DLG2: variants seen among roughly 807,000 people sequenced by gnomAD.
DLG2 encodes disks large homolog 2.
Under a neutral mutation model 132.5 loss-of-function variants are expected in DLG2, and 45 were observed. The observed-to-expected ratio is 0.34, with a 90% CI of 0.27 to 0.44. DLG2 has a LOEUF of 0.44. DLG2 is among the 20% of genes least tolerant of loss of function. The pLI, the probability that DLG2 is intolerant of heterozygous loss-of-function variation, is 1.00. For missense variants in DLG2, 1,045 were observed against 1,196.9 expected (o/e 0.87, Z 1.87); for synonymous variants, 424 against 419.6 (o/e 1.01, Z -0.13).
chr11:83,986,918 T>G (rs774268543), intron 11 of DLG2, among the ~76,000 whole-genome samples: 3 of 152,306 alleles, frequency 2.0e-5, no homozygotes, highest in Middle Eastern at 3.4e-3. Flanking sequence ...TTTGTCTTTT[T>G]CTTGTAAATT....
intron 6 of DLG2, among the ~76,000 whole-genome samples, chr11:84,937,151 T>C (rs1206660469): frequency 6.6e-6 from 1 of 152,060 alleles, no homozygotes; most frequent in Non-Finnish European, 1.5e-5. Flanking sequence ...AACTCCCTCT[T>C]TAAATAAAAC....
intron 18 of DLG2, among the ~76,000 whole-genome samples, chr11:83,736,932 C>A (rs17146020): frequency 0.01 from 1,550 of 150,700 alleles, 24 homozygotes; most frequent in African/African-American, 0.034. Context: ...ATTTGGGACA[C>A]TGTGGGTGGT....
chr11:84,562,429 G>C (rs997074412), intron 6 of DLG2, among the ~76,000 whole-genome samples: 1 of 152,020 alleles, frequency 6.6e-6, no homozygotes, highest in Non-Finnish European at 1.5e-5. Flanking sequence ...CTACATGAAG[G>C]CTTCTGGGTT....
chr11:84,500,181 T>C (rs938395758), intron 7 of DLG2, among the ~76,000 whole-genome samples: 1 of 151,964 alleles, frequency 6.6e-6, no homozygotes, highest in Admixed American at 6.6e-5. Flanking sequence ...AAAGGTACCA[T>C]TAGACAGGGT....
chr11:84,995,038 T>A (rs976351717), intron 6 of DLG2, among the ~76,000 whole-genome samples: 2 of 152,208 alleles, frequency 1.3e-5, no homozygotes, highest in Admixed American at 1.3e-4. Context: ...CTGAAAGACC[T>A]GTGGTACCAT....
chr11:84,002,604 C>T (rs1218713615), intron 11 of DLG2, among the ~76,000 whole-genome samples: 8 of 152,168 alleles, frequency 5.3e-5, no homozygotes, highest in East Asian at 1.9e-4. Flanking sequence ...CTGAGCTCTA[C>T]GTTGGCCCCT....
intron 14 of DLG2, among the ~76,000 whole-genome samples, chr11:83,956,381 C>G (rs2086840549): frequency 6.6e-6 from 1 of 152,216 alleles, no homozygotes; most frequent in South Asian, 2.1e-4. Context: ...AATGGCAGAA[C>G]TAAAAGAGTA....
At chr11:84,578,427 A>C (rs1334345238) in intron 6 of DLG2, among the ~76,000 whole-genome samples, 1 of 152,206 alleles carries the variant, frequency 6.6e-6, no homozygotes, top group Non-Finnish European at 1.5e-5. Context: ...AGAGCTGCCC[A>C]AGAGCATGGG....
chr11:84,396,285 G>T (rs2098810721), intron 7 of DLG2, among the ~76,000 whole-genome samples: 1 of 152,068 alleles, frequency 6.6e-6, no homozygotes, highest in South Asian at 2.1e-4. Flanking sequence ...GGTTTATACG[G>T]GCTACATAGT....
At chr11:84,736,869 A>G (rs942475194) in intron 6 of DLG2, among the ~76,000 whole-genome samples, 1 of 151,996 alleles carries the variant, frequency 6.6e-6, no homozygotes, top group Non-Finnish European at 1.5e-5. Context: ...TTTACTGATT[A>G]TGCTGGTTAA....
At chr11:85,469,465 C>T (rs2092914347) in intron 3 of DLG2, 1 of 152,198 alleles carries the variant, frequency 6.6e-6, no homozygotes, top group Non-Finnish European at 1.5e-5. Context: ...CATCAAACTC[C>T]AGCCATTGGA....
intron 14 of DLG2, among the ~76,000 whole-genome samples, chr11:83,935,892 A>G (rs972437896): frequency 6.6e-6 from 1 of 152,170 alleles, no homozygotes; most frequent in Non-Finnish European, 1.5e-5. Flanking sequence ...ATTTCTTAAC[A>G]TCCTCATCTG....
rs1807870881 is a variant in DLG2, at chr11:83,607,851, A to C, written c.1940+25360T>G. On this transcript the variant is annotated intron_variant, in intron 19 of 27. Coordinates refer to ENST00000376104, the MANE Select transcript of DLG2 (RefSeq NM_001142699.3). Reference sequence around the variant, plus strand: ...CTCTTATAAATATCATGTTGAGCCAAGGAAGCCAGACATGAAAGAACAAAG... The same window carrying C: ...CTCTTATAAATATCATGTTGAGCCACGGAAGCCAGACATGAAAGAACAAAG... Among the ~76,000 whole-genome samples, 3 of 152,274 alleles carry C rather than the reference A, an allele frequency of 2.0e-5. No individual in the cohort carries two copies. The South Asian group carries it at 6.2e-4, about 32-fold the overall frequency.
intron 7 of DLG2, among the ~76,000 whole-genome samples, chr11:84,462,958 G>A (rs574715252): frequency 1.0e-3 from 151 of 151,256 alleles, no homozygotes; most frequent in Non-Finnish European, 1.7e-3. Context: ...GCTAGCTTTC[G>A]GAAGTGTCAA....
At chr11:84,299,633 GC>G (rs1185644874) in intron 7 of DLG2, among the ~76,000 whole-genome samples, 1 of 152,190 alleles carries the variant, frequency 6.6e-6, no homozygotes, top group African/African-American at 2.4e-5. Context: ...TGAGTGAACT[GC>G]AAAGAGTGGT....
intron 6 of DLG2, among the ~76,000 whole-genome samples, chr11:85,040,976 G>C (rs904349784): frequency 4.0e-5 from 6 of 151,848 alleles, no homozygotes; most frequent in African/African-American, 1.4e-4. Flanking sequence ...GAGCTGGTTT[G>C]TGTTCTTAAC....
chr11:84,927,682 A>G (rs2154089130), intron 6 of DLG2, among the ~76,000 whole-genome samples: 1 of 152,134 alleles, frequency 6.6e-6, no homozygotes, highest in African/African-American at 2.4e-5. Context: ...TTATTGATAA[A>G]CATTAAAATT....
intron 6 of DLG2, among the ~76,000 whole-genome samples, chr11:84,907,210 T>C (rs1055803816): frequency 6.6e-6 from 1 of 152,156 alleles, no homozygotes; most frequent in Non-Finnish European, 1.5e-5. Context: ...GAGGGTCCCT[T>C]TGATGAGGCA....
chr11:84,891,394 T>C (rs1753201856), intron 6 of DLG2, among the ~76,000 whole-genome samples: 2 of 152,184 alleles, frequency 1.3e-5, no homozygotes, highest in South Asian at 2.1e-4. Flanking sequence ...TAGCATAATA[T>C]ATATTGGGAT....
Sources: gnomAD v4.1 joint callset for allele counts (sites outside exome capture counted in the v4.1 genomes callset) on GRCh38, gnomAD v4.1.1 for gene constraint, MANE v1.5 for transcripts, NCBI Gene and HGNC (gene_info 2026-07-23, HGNC 2026-07-21) for gene names.